The following ADAMTS3 variants were observed in gnomAD, a reference collection of about 807,000 sequenced individuals.
ADAMTS3 encodes A disintegrin and metalloproteinase with thrombospondin motifs 3.
ADAMTS3 carries 73 observed loss-of-function variants against 129.0 expected under a neutral mutation model. The observed-to-expected ratio is 0.57, with a 90% CI of 0.47 to 0.69. The LOEUF (loss-of-function observed/expected upper bound fraction) is 0.69, where lower values mean the gene tolerates loss of function less well. ADAMTS3 is among the 30% of genes least tolerant of loss of function. ADAMTS3 has a pLI of 0.00. For missense variants in ADAMTS3, 1,457 were observed against 1,514.5 expected, an observed-to-expected ratio of 0.96 and a Z score of 0.63; for synonymous variants, 477 against 510.8, an observed-to-expected ratio of 0.93 and a Z score of 0.89.
intron 6 of ADAMTS3, among the ~76,000 whole-genome samples, chr4:72,322,550 T>C (rs946809742): frequency 2.6e-5 from 4 of 152,202 alleles, no homozygotes; most frequent in Non-Finnish European, 5.9e-5. Flanking sequence ...ATATAAAATA[T>C]TGTTTTTAGC....
chr4:72,568,843 CT>C lies in ADAMTS3; in HGVS notation c.-82del. 1.2e-6 allele frequency: 1 copy of C among 825,104 alleles called. No homozygotes were observed. The highest frequency in any genetic ancestry group is 1.7e-6 in the Non-Finnish European group (1 of 605,820). The allele number at this position is 825,104 out of a possible 1,614,324, so 51.1% of individuals were successfully genotyped here. A position where few individuals can be genotyped will look rare whatever the true frequency, so the allele number is the denominator to read the frequency against. On this transcript the variant is annotated 5_prime_UTR_variant, in exon 1 of 22. Coordinates refer to ENST00000286657, the MANE Select transcript of ADAMTS3 (RefSeq NM_014243.3). ...CACCCCCCCCGCCCAAAATAAGTTT[CT>C]TTAAGAAAAAAAGGAAAAGGGAAAA... is the stretch of plus-strand genomic sequence containing the variant.
At chr4:72,324,353 C>A (rs1719641166) in intron 5 of ADAMTS3, among the ~76,000 whole-genome samples, 2 of 152,160 alleles carry the variant, frequency 1.3e-5, no homozygotes, top group East Asian at 3.9e-4. Context: ...CGTGACTGCA[C>A]AGAACACCTT....
In ADAMTS3 at chr4:72,352,514, T is replaced by C. The variant is rs188692809; in HGVS notation, c.662-12821A>G. On this transcript the variant is annotated intron_variant, in intron 4 of 21. Coordinates refer to ENST00000286657, the MANE Select transcript of ADAMTS3 (RefSeq NM_014243.3). ...CCTCCCATCCATTTATTTCAAAACA[T>C]TTCTTGAACACCTTTTCAGCACAGA... Among the ~76,000 whole-genome samples, 24 of 152,134 alleles carry C rather than the reference T, an allele frequency of 1.6e-4. No homozygotes were observed. In the East Asian group the frequency reaches 1.7e-3, roughly 11 times the overall value.
chr4:72,422,510 T>C (rs1218866533), intron 3 of ADAMTS3, among the ~76,000 whole-genome samples: 1 of 152,144 alleles, frequency 6.6e-6, no homozygotes, highest in Non-Finnish European at 1.5e-5. Flanking sequence ...TAATTCTTCA[T>C]ATAGGCCCTC....
At chr4:72,305,823 CACATATACGTATGCACATGTACGT>C (rs1491355289) in intron 16 of ADAMTS3, among the ~76,000 whole-genome samples, 140 bp downstream of exon 16, 8 of 151,272 alleles carry the variant, frequency 5.3e-5, no homozygotes, top group South Asian at 4.2e-4. Context: ...CACATGTACG[CACATATACGTATGCACATGTACGT>C]ACATATACGT....
intron 5 of ADAMTS3, among the ~76,000 whole-genome samples, chr4:72,329,424 T>G (rs1002829743): frequency 3.3e-5 from 5 of 152,148 alleles, no homozygotes; most frequent in Non-Finnish European, 7.3e-5. Context: ...GCTCAACATA[T>G]ATTAGAGAAC....
chr4:72,541,041 A>G (rs1193358589), intron 3 of ADAMTS3, among the ~76,000 whole-genome samples: 1 of 152,162 alleles, frequency 6.6e-6, no homozygotes, highest in Non-Finnish European at 1.5e-5. Flanking sequence ...ATCCACCAAC[A>G]GCTTGCACCA....
At chr4:72,549,755 C>A (rs955852517) in intron 2 of ADAMTS3, among the ~76,000 whole-genome samples, 1 of 151,656 alleles carries the variant, frequency 6.6e-6, no homozygotes, top group East Asian at 2.0e-4. Flanking sequence ...ACAATATGGG[C>A]AGACACTTAC....
intron 3 of ADAMTS3, among the ~76,000 whole-genome samples, chr4:72,477,029 C>A (rs1719255000): frequency 6.6e-6 from 1 of 151,972 alleles, no homozygotes; most frequent in South Asian, 2.1e-4. Flanking sequence ...AGGGAACTTC[C>A]TCAACTTGAC....
At chr4:72,413,988 GT>G (rs1172744257) in intron 4 of ADAMTS3, among the ~76,000 whole-genome samples, 1 of 151,828 alleles carries the variant, frequency 6.6e-6, no homozygotes, top group Non-Finnish European at 1.5e-5. Context: ...TAGGTAGCAA[GT>G]CTCAAAAGGC....
chr4:72,430,382 A>G (rs1318062828), intron 3 of ADAMTS3, among the ~76,000 whole-genome samples: 1 of 151,966 alleles, frequency 6.6e-6, no homozygotes, highest in Non-Finnish European at 1.5e-5. Context: ...GAGAAACCCA[A>G]ACCATATGGA....
chr4:72,529,920 AATAT>A, intron 3 of ADAMTS3, among the ~76,000 whole-genome samples: 1 of 34,136 alleles, frequency 2.9e-5, no homozygotes, highest in South Asian at 8.2e-4. Context: ...ATATATTATA[AATAT>A]TATATAATAT....
intron 3 of ADAMTS3, among the ~76,000 whole-genome samples, chr4:72,430,012 G>T (rs1235217028): frequency 2.6e-5 from 4 of 151,952 alleles, no homozygotes; most frequent in Non-Finnish European, 5.9e-5. Flanking sequence ...CCTGAACAAC[G>T]GTTTAAGTAG....
chr4:72,527,741 A>C (rs1720852050), intron 3 of ADAMTS3, among the ~76,000 whole-genome samples: 1 of 152,182 alleles, frequency 6.6e-6, no homozygotes, highest in Non-Finnish European at 1.5e-5. Flanking sequence ...CCCTCCTGAC[A>C]TTCCATTACG....
intron 4 of ADAMTS3, among the ~76,000 whole-genome samples, chr4:72,369,960 AAAT>A (rs1006987170): frequency 6.6e-6 from 1 of 152,138 alleles, no homozygotes; most frequent in Non-Finnish European, 1.5e-5. Context: ...ATATGGACAC[AAAT>A]AATGGTCACC....
intron 3 of ADAMTS3, among the ~76,000 whole-genome samples, chr4:72,530,655 T>TTATTATATA: frequency 1.3e-5 from 1 of 74,190 alleles, no homozygotes; most frequent in South Asian, 3.7e-4. Context: ...TATAATATTA[T>TTATTATATA]ATATATTATA....
chr4:72,468,844 T>C (rs1373419087), intron 3 of ADAMTS3, among the ~76,000 whole-genome samples: 1 of 152,084 alleles, frequency 6.6e-6, no homozygotes, highest in East Asian at 1.9e-4. Flanking sequence ...GGTCCCTCTC[T>C]TCAACCACCA....
At chr4:72,492,891 T>A (rs1719783258) in intron 3 of ADAMTS3, among the ~76,000 whole-genome samples, 1 of 151,948 alleles carries the variant, frequency 6.6e-6, no homozygotes, top group African/African-American at 2.4e-5. Flanking sequence ...ATTATCTAAA[T>A]ATTTAGATGC....
chr4:72,309,245 T>A (rs1233105679), intron 15 of ADAMTS3, 152 bp downstream of exon 15: 9 of 694,230 alleles, frequency 1.3e-5, no homozygotes, highest in Admixed American at 3.1e-5. Flanking sequence ...TTTTTTTTTT[T>A]AAGTTCCTTA....
Sources: gnomAD v4.1 joint callset for allele counts (sites outside exome capture counted in the v4.1 genomes callset) on GRCh38, gnomAD v4.1.1 for gene constraint, MANE v1.5 for transcripts, NCBI Gene and HGNC (gene_info 2026-07-23, HGNC 2026-07-21) for gene names.